Variants in FMNL2 observed in about 807,000 individuals in gnomAD.
FMNL2 encodes the protein formin-like protein 2.
A neutral mutation model predicts 130.2 loss-of-function variants in FMNL2; 51 were observed. The observed-to-expected ratio is 0.39, with a 90% CI of 0.31 to 0.49. The LOEUF is 0.49. FMNL2 is among the 20% of genes least tolerant of loss of function. The pLI is 0.85. For synonymous variants in FMNL2, 465 were observed against 467.1 expected (o/e 1.00, Z 0.06); for missense variants, 977 against 1,316.2 (o/e 0.74, Z 3.99).
chr2:152,524,471 G>A (rs1693273908), intron 2 of FMNL2, among the ~76,000 whole-genome samples: 2 of 152,154 alleles, frequency 1.3e-5, no homozygotes, highest in South Asian at 4.1e-4. Context: ...GGTGCAGTGA[G>A]GTGTATCCCA....
intron 9 of FMNL2, among the ~76,000 whole-genome samples, chr2:152,602,122 T>C (rs1321663977): frequency 7.2e-5 from 11 of 152,204 alleles, no homozygotes; most frequent in East Asian, 1.9e-4. Flanking sequence ...TCTACCCTTA[T>C]AGCCCTTTAC....
intron 1 of FMNL2, among the ~76,000 whole-genome samples, chr2:152,497,753 C>T (rs1385768110): frequency 6.6e-6 from 1 of 152,144 alleles, no homozygotes; most frequent in Non-Finnish European, 1.5e-5. Flanking sequence ...TGTATTAGCT[C>T]ATAGTTTCTG....
intron 2 of FMNL2, among the ~76,000 whole-genome samples, chr2:152,531,563 C>A (rs935184072): frequency 6.6e-6 from 1 of 152,076 alleles, no homozygotes; most frequent in African/African-American, 2.4e-5. Context: ...CAACCTCCCC[C>A]TCCCAGGTTC....
Position 152,626,523 on chromosome 2 carries a change from A to T in FMNL2, c.1963-2A>T. ...TTCCATGGTCATTCCTCTCTATCTT[A>T]GGATTTAAATGTGGATGAATTTGAG... On this transcript the variant is annotated splice_acceptor_variant, in intron 16 of 25. Transcript: ENST00000288670. LOFTEE classifies it high-confidence loss of function. 6.3e-7 allele frequency: 1 copy of T among 1,597,660 alleles called. No homozygotes were observed. The highest frequency in any genetic ancestry group is 8.5e-7 in the Non-Finnish European group (1 of 1,171,150).
chr2:152,482,693 A>G (rs1218333899), intron 1 of FMNL2, among the ~76,000 whole-genome samples: 1 of 152,154 alleles, frequency 6.6e-6, no homozygotes, highest in African/African-American at 2.4e-5. Flanking sequence ...ATTGCTACCT[A>G]TCTCATAGGG....
chr2:152,558,703 A>G (rs754692551), intron 4 of FMNL2, 37 bp from the exon 5 acceptor site: 2 of 1,551,792 alleles, frequency 1.3e-6, no homozygotes, highest in South Asian at 1.2e-5. Context: ...CATGTGATCA[A>G]TTTCTCCAAT....
At chr2:152,548,441 G>GA (rs1352098759) in intron 3 of FMNL2, among the ~76,000 whole-genome samples, 1 of 152,132 alleles carries the variant, frequency 6.6e-6, no homozygotes, top group Non-Finnish European at 1.5e-5. Context: ...CTGGGAGTCT[G>GA]AATTTGTGTA....
chr2:152,416,388 T>G (rs1686615489), intron 1 of FMNL2, among the ~76,000 whole-genome samples: 1 of 152,206 alleles, frequency 6.6e-6, no homozygotes, highest in African/African-American at 2.4e-5. Context: ...TAATAGTAAC[T>G]ACTGACTCAT....
chr2:152,585,520 T>A (rs1697016669), intron 9 of FMNL2, among the ~76,000 whole-genome samples: 2 of 152,184 alleles, frequency 1.3e-5, no homozygotes, highest in African/African-American at 4.8e-5. Context: ...GAAAAGATGT[T>A]GAGAAAAGCA....
intron 11 of FMNL2, among the ~76,000 whole-genome samples, chr2:152,614,442 C>G (rs761528714): frequency 1.8e-4 from 28 of 152,122 alleles, no homozygotes; most frequent in Non-Finnish European, 3.4e-4. Flanking sequence ...GACTATTTGT[C>G]GAAAAGAAAA....
intron 1 of FMNL2, among the ~76,000 whole-genome samples, chr2:152,369,088 C>T (rs560258747): frequency 9.2e-5 from 14 of 152,282 alleles, no homozygotes; most frequent in Non-Finnish European, 1.6e-4. Flanking sequence ...GGAGAGTAGT[C>T]TGAGTGTAGG....
chr2:152,585,455 G>A (rs528508947), intron 9 of FMNL2, among the ~76,000 whole-genome samples: 18 of 152,178 alleles, frequency 1.2e-4, no homozygotes, highest in Non-Finnish European at 2.5e-4. Context: ...TTAGTTCAGA[G>A]TCTTCTTTGC....
chr2:152,643,580 CTG>C, intron 25 of FMNL2: 1 of 1,529,688 alleles, frequency 6.5e-7, no homozygotes, highest in Non-Finnish European at 8.8e-7. Context: ...ATGTCCCCCT[CTG>C]TGTGTCTGTC....
chr2:152,355,204 A>G (rs531643940), intron 1 of FMNL2, among the ~76,000 whole-genome samples: 1 of 152,346 alleles, frequency 6.6e-6, no homozygotes, highest in South Asian at 2.1e-4. Context: ...TCTAATGCTC[A>G]TGATGGTAAC....
chr2:152,351,284 A>G (rs548479400), intron 1 of FMNL2, among the ~76,000 whole-genome samples: 109 of 152,298 alleles, frequency 7.2e-4, no homozygotes, highest in Middle Eastern at 3.4e-3. Flanking sequence ...TGCTGTACCT[A>G]TCAACCTGTC....
In FMNL2 at chr2:152,645,620, G is replaced by C. The variant is rs752486642; in HGVS notation, c.3170-2176G>C. ...CTGAGGGTAATACTGGTGAGAATCT[G>C]ACCAGGGAGTTTTTGTACCTCACAT... On this transcript the variant is annotated intron_variant, in intron 25 of 25. Transcript: ENST00000288670. 3.6e-4 allele frequency: 276 copies of C among 768,730 alleles called. 1 individual carries two copies. Among genetic ancestry groups the C allele is most frequent in the Non-Finnish European group, 4.6e-4 (249 of 541,202 alleles). The allele number at this position is 768,730 out of a possible 1,614,324, so 47.6% of individuals were successfully genotyped here. A position where few individuals can be genotyped will look rare whatever the true frequency, so the allele number is the denominator to read the frequency against.
In FMNL2 at chr2:152,647,860, TG is replaced by T; in HGVS notation, c.3235del (p.Asp1079IlefsTer12). On this transcript the variant is annotated frameshift_variant, in exon 26 of 26. Coordinates refer to ENST00000288670, the MANE Select transcript of FMNL2 (RefSeq NM_052905.4). LOFTEE classifies it high-confidence loss of function. Reference protein sequence around the residue: ...VRRSVRRRFDDQNLRSVNGAE... With the variant: ...VRRSVRRRFDXQNLRSVNGAE... ...GGAGAAGCGTCAGGCGGCGCTTTGA[TG>T]ATCAGAACTTGCGTTCTGTTAATGG... 6.2e-7 allele frequency: 1 copy of T among 1,613,914 alleles called. No homozygotes were observed. Among genetic ancestry groups the T allele is most frequent in the East Asian group, 2.2e-5 (1 of 44,880 alleles).
At chr2:152,564,356 G>A (rs761487835) in intron 6 of FMNL2, among the ~76,000 whole-genome samples, 13 of 151,468 alleles carry the variant, frequency 8.6e-5, no homozygotes, top group Non-Finnish European at 1.5e-4. Context: ...GTTAATCTTG[G>A]AAGAAAAAAA....
chr2:152,575,090 A>G, intron 6 of FMNL2, 46 bp from the exon 7 acceptor site: 1 of 1,229,818 alleles, frequency 8.1e-7, no homozygotes, highest in Non-Finnish European at 1.2e-6. Context: ...GCCTATGCTA[A>G]GAAAGTAACC....
Sources: gnomAD v4.1 joint callset for allele counts (sites outside exome capture counted in the v4.1 genomes callset) on GRCh38, gnomAD v4.1.1 for gene constraint, MANE v1.5 for transcripts, NCBI Gene and HGNC (gene_info 2026-07-23, HGNC 2026-07-21) for gene names.